Variants in RAB3C observed in about 807,000 individuals in gnomAD.
The protein encoded by RAB3C is ras-related protein Rab-3C.
Under a neutral mutation model 26.4 loss-of-function variants are expected in RAB3C, and 17 were observed. The observed-to-expected ratio is 0.64, with a 90% confidence interval of 0.44 to 0.97. The LOEUF (loss-of-function observed/expected upper bound fraction) is 0.97. Among genes scored for constraint, RAB3C ranks in the 50% least tolerant of loss-of-function variants. RAB3C has a pLI of 0.00. For missense variants in RAB3C, 242 were observed against 281.9 expected (o/e 0.86, Z 1.01); for synonymous variants, 91 against 95.9 (o/e 0.95, Z 0.30).
intron 2 of RAB3C, among the ~76,000 whole-genome samples, chr5:58,654,694 C>T (rs1169971121): frequency 6.6e-6 from 1 of 152,058 alleles, no homozygotes; most frequent in Non-Finnish European, 1.5e-5. Context: ...TCCTCTTTTT[C>T]CCTCTCTCTC....
intron 1 of RAB3C, among the ~76,000 whole-genome samples, chr5:58,610,035 C>A (rs1471459534): frequency 6.6e-6 from 1 of 152,038 alleles, no homozygotes; most frequent in Non-Finnish European, 1.5e-5. Flanking sequence ...AACGTGGAGA[C>A]CTGCAAACCT....
At position 58,851,178 on chromosome 5, in the gene RAB3C, G is replaced by T. The variant is rs1297370728; in HGVS notation, c.511G>T (p.Glu171Ter). 1 of 1,590,610 alleles carries T rather than the reference G, an allele frequency of 6.3e-7. No homozygotes were observed. Among genetic ancestry groups the T allele is most frequent in the Non-Finnish European group, 8.5e-7 (1 of 1,172,610 alleles). The part of the protein sequence containing the change: ...LGEQLGFEFF[E>*]TSAKDNINVK... ...GTTTCTTCCAGGGTTTGAGTTTTTTGAAACAAGTGCCAAGGACAACATTAA... is the reference window on the plus strand; with the variant it reads ...GTTTCTTCCAGGGTTTGAGTTTTTTTAAACAAGTGCCAAGGACAACATTAA... The change falls in exon 5 of 5, where the codon GAA (glutamate) becomes TAA (stop). Residue 171 changes from glutamate (E) to a stop codon, truncating the protein, a stop_gained. Transcript: ENST00000282878. LOFTEE classifies it high-confidence loss of function.
At chr5:58,708,993 T>G (rs764568050) in intron 2 of RAB3C, among the ~76,000 whole-genome samples, 6 of 152,358 alleles carry the variant, frequency 3.9e-5, no homozygotes, top group Non-Finnish European at 7.3e-5. Context: ...TATACTTGCT[T>G]GTCTGCTTTC....
At chr5:58,635,478 T>G (rs1053755002) in intron 2 of RAB3C, among the ~76,000 whole-genome samples, 1 of 152,224 alleles carries the variant, frequency 6.6e-6, no homozygotes, top group Non-Finnish European at 1.5e-5. Flanking sequence ...GCACACAGAA[T>G]AGTTCCCTGA....
chr5:58,699,531 A>G (rs2111875967), intron 2 of RAB3C, among the ~76,000 whole-genome samples: 1 of 152,300 alleles, frequency 6.6e-6, no homozygotes, highest in Admixed American at 6.5e-5. Context: ...TGTCTGCAGA[A>G]GTTGTCTGCT....
At chr5:58,799,673 C>T (rs1182990463) in intron 3 of RAB3C, among the ~76,000 whole-genome samples, 5 of 152,184 alleles carry the variant, frequency 3.3e-5, no homozygotes, top group Admixed American at 6.5e-5. Flanking sequence ...AGTCTCCTCA[C>T]TCAGGGAAGG....
At chr5:58,708,913 C>T (rs1183421963) in intron 2 of RAB3C, among the ~76,000 whole-genome samples, 1 of 152,210 alleles carries the variant, frequency 6.6e-6, no homozygotes, top group Non-Finnish European at 1.5e-5. Context: ...CCAACAATAA[C>T]ATTCTTAGTC....
At chr5:58,771,403 A>C (rs1011264052) in intron 3 of RAB3C, among the ~76,000 whole-genome samples, 2 of 152,176 alleles carry the variant, frequency 1.3e-5, no homozygotes, top group African/African-American at 4.8e-5. Flanking sequence ...CTTAGTTAAC[A>C]TAAAGAATCC....
intron 4 of RAB3C, among the ~76,000 whole-genome samples, chr5:58,827,170 C>G (rs914216779): frequency 9.9e-5 from 15 of 152,034 alleles, no homozygotes; most frequent in African/African-American, 3.4e-4. Flanking sequence ...CTTAGGACCT[C>G]AGAAAGATAA....
intron 2 of RAB3C, among the ~76,000 whole-genome samples, chr5:58,716,276 G>A (rs1447981787): frequency 6.6e-6 from 1 of 151,838 alleles, no homozygotes; most frequent in Non-Finnish European, 1.5e-5. Flanking sequence ...AAATGAATGG[G>A]GTTTGAAATA....
chr5:58,730,773 G>T (rs1374048861), intron 3 of RAB3C, among the ~76,000 whole-genome samples: 1 of 152,060 alleles, frequency 6.6e-6, no homozygotes, highest in African/African-American at 2.4e-5. Flanking sequence ...AAAAATTCTG[G>T]TCTGTTAAGG....
intron 3 of RAB3C, among the ~76,000 whole-genome samples, chr5:58,746,639 A>G (rs1741409275): frequency 6.6e-6 from 1 of 152,160 alleles, no homozygotes; most frequent in Non-Finnish European, 1.5e-5. Context: ...TGACAGCTAG[A>G]CTGGAAAGCA....
chr5:58,665,023 A>G (rs1238512702), intron 2 of RAB3C, among the ~76,000 whole-genome samples: 1 of 152,014 alleles, frequency 6.6e-6, no homozygotes, highest in Non-Finnish European at 1.5e-5. Flanking sequence ...CCCTCCCTTA[A>G]TATAGTTGCT....
chr5:58,815,467 G>A (rs1743195715), intron 3 of RAB3C, among the ~76,000 whole-genome samples: 1 of 152,238 alleles, frequency 6.6e-6, no homozygotes. Flanking sequence ...CCAGCCTGGG[G>A]ATGAATAGCC....
chr5:58,710,485 G>T (rs1231114344), intron 2 of RAB3C, among the ~76,000 whole-genome samples: 1 of 151,932 alleles, frequency 6.6e-6, no homozygotes, highest in Non-Finnish European at 1.5e-5. Flanking sequence ...TGTAATCTCA[G>T]CTACTCAAGA....
At chr5:58,594,581 C>T (rs1477114180) in intron 1 of RAB3C, among the ~76,000 whole-genome samples, 4 of 151,972 alleles carry the variant, frequency 2.6e-5, no homozygotes, top group Non-Finnish European at 5.9e-5. Flanking sequence ...ATGAATACAC[C>T]AAGTTTTTCA....
rs118016709 is a variant in RAB3C at position 58,612,988 on chromosome 5, C to T, written c.25-4655C>T. Among the ~76,000 whole-genome samples, 337 of 152,182 alleles carry T rather than the reference C, an allele frequency of 2.2e-3. 2 individuals carry two copies. Among genetic ancestry groups the T allele is most frequent in the Admixed American group, 0.02 (301 of 15,268 alleles). On this transcript the variant is annotated intron_variant, in intron 1 of 4. Coordinates refer to ENST00000282878, the MANE Select transcript of RAB3C (RefSeq NM_138453.4). ...ACAACTTATTTTTGTTTTTCCTCAT[C>T]AGATCCACAGAATGGCTTAGTACAG...
intron 1 of RAB3C, among the ~76,000 whole-genome samples, chr5:58,587,365 C>T (rs1336018445): frequency 6.6e-6 from 1 of 151,926 alleles, no homozygotes; most frequent in Non-Finnish European, 1.5e-5. Flanking sequence ...TGGGCCACCT[C>T]AAAAAAATGT....
intron 2 of RAB3C, among the ~76,000 whole-genome samples, chr5:58,695,735 G>T (rs990843285): frequency 3.9e-5 from 6 of 152,100 alleles, no homozygotes; most frequent in African/African-American, 1.2e-4. Context: ...GTCTGTTATT[G>T]GTGTATAGGA....
Sources: allele counts gnomAD v4.1 joint callset (sites outside exome capture counted in the v4.1 genomes callset), GRCh38; gene constraint gnomAD v4.1.1; transcripts MANE v1.5; gene names NCBI Gene and HGNC (gene_info 2026-07-23, HGNC 2026-07-21).